PTPRD: variants seen among roughly 807,000 people sequenced by gnomAD.
PTPRD encodes the protein receptor-type tyrosine-protein phosphatase delta.
In PTPRD, 34 loss-of-function variants were observed where a neutral mutation model predicts 214.5. That is an observed-to-expected ratio of 0.16 (90% CI 0.12 to 0.21). The LOEUF is 0.21. Ranked by LOEUF, PTPRD falls within the 10% of genes least tolerant of loss-of-function variation. The pLI, the probability that PTPRD is intolerant of heterozygous loss-of-function variation, is 1.00. For missense variants in PTPRD, 2,545 were observed against 2,398.7 expected (o/e 1.06, Z -1.27); for synonymous variants, 1,128 against 845.7 (o/e 1.33, Z -5.79).
chr9:9,725,285 T>G (rs1398274611), intron 7 of PTPRD, among the ~76,000 whole-genome samples: 1 of 148,812 alleles, frequency 6.7e-6, no homozygotes, highest in Non-Finnish European at 1.5e-5. Context: ...GATCTGACGG[T>G]ATTAAAAATG....
intron 11 of PTPRD, among the ~76,000 whole-genome samples, chr9:8,911,415 T>TTGTGTGTGTG (rs757801073): frequency 2.3e-4 from 29 of 127,626 alleles, no homozygotes; most frequent in African/African-American, 7.3e-4. Context: ...TGTGTGTGTG[T>TTGTGTGTGTG]TGTGTGTGTG....
Position 9,208,809 on chromosome 9 carries a change from C to CT in PTPRD, c.-202-25447dup, listed in dbSNP as rs1185200906. On this transcript the variant is annotated intron_variant, in intron 9 of 45. Coordinates refer to ENST00000381196, the MANE Select transcript of PTPRD (RefSeq NM_002839.4). The stretch of plus-strand genomic sequence containing the variant: ...AAAGAAACCCAGAGACAATATAACT[C>CT]TTTTTTTTTTTTCTTTGAGATGGAG... 8.9e-3 allele frequency among the ~76,000 whole-genome samples: 1,305 copies of CT among 146,888 alleles called. 20 individuals are homozygous for CT. Among genetic ancestry groups the CT allele is most frequent in the African/African-American group, 0.025 (1,023 of 40,214 alleles).
At chr9:10,053,430 G>C (rs1391631120) in intron 3 of PTPRD, among the ~76,000 whole-genome samples, 3 of 152,092 alleles carry the variant, frequency 2.0e-5, no homozygotes, top group Non-Finnish European at 4.4e-5. Flanking sequence ...ATTTGGTCAG[G>C]AGTTTAAATA....
intron 2 of PTPRD, among the ~76,000 whole-genome samples, chr9:10,491,963 G>C (rs1208119391): frequency 6.6e-6 from 1 of 152,122 alleles, no homozygotes; most frequent in Non-Finnish European, 1.5e-5. Context: ...AACATGCAGT[G>C]TTTGGTTTTC....
intron 5 of PTPRD, among the ~76,000 whole-genome samples, chr9:9,807,196 T>G (rs917609890): frequency 6.6e-6 from 1 of 152,172 alleles, no homozygotes; most frequent in Non-Finnish European, 1.5e-5. Flanking sequence ...GAGGCAAGAA[T>G]TGAGTTGCTA....
chr9:9,044,010 G>A (rs916750119), intron 10 of PTPRD, among the ~76,000 whole-genome samples: 1 of 151,992 alleles, frequency 6.6e-6, no homozygotes, highest in Non-Finnish European at 1.5e-5. Flanking sequence ...GACTTTTAAT[G>A]CCAAGTCAGC....
chr9:9,183,914 T>A (rs1210617264), intron 9 of PTPRD, among the ~76,000 whole-genome samples: 1 of 151,868 alleles, frequency 6.6e-6, no homozygotes, highest in Non-Finnish European at 1.5e-5. Context: ...AATTTCATAA[T>A]TAATTTAAAA....
chr9:8,650,296 G>A (rs2096780784), intron 12 of PTPRD, among the ~76,000 whole-genome samples: 2 of 151,984 alleles, frequency 1.3e-5, no homozygotes, highest in South Asian at 2.1e-4. Flanking sequence ...TTGGGAGGCT[G>A]AGGTGGGTGG....
intron 14 of PTPRD, among the ~76,000 whole-genome samples, chr9:8,561,216 G>A (rs538239004): frequency 2.0e-5 from 3 of 151,818 alleles, no homozygotes; most frequent in East Asian, 3.9e-4. Context: ...TGGTGTCTTC[G>A]CTTTAATCTT....
intron 3 of PTPRD, among the ~76,000 whole-genome samples, chr9:10,226,074 C>T (rs2099587861): frequency 6.6e-6 from 1 of 152,018 alleles, no homozygotes; most frequent in African/African-American, 2.4e-5. Flanking sequence ...AAAATTAAGA[C>T]ATAGGATCCC....
chr9:9,393,233 C>T (rs1003204212), intron 9 of PTPRD, among the ~76,000 whole-genome samples: 2 of 152,022 alleles, frequency 1.3e-5, no homozygotes, highest in East Asian at 3.9e-4. Flanking sequence ...TCCAGGTATG[C>T]GTATACTTGT....
chr9:10,582,484 C>T (rs1369311928), intron 2 of PTPRD, among the ~76,000 whole-genome samples: 1 of 152,144 alleles, frequency 6.6e-6, no homozygotes, highest in African/African-American at 2.4e-5. Flanking sequence ...TCTACTTTAT[C>T]CATATTATAA....
chr9:8,940,280 C>CTCTCTCCTTTGTTT (rs2099023955), intron 11 of PTPRD, among the ~76,000 whole-genome samples: 1 of 89,050 alleles, frequency 1.1e-5, no homozygotes, highest in Non-Finnish European at 2.1e-5. Context: ...TCTCTCTCTC[C>CTCTCTCCTTTGTTT]TTTTTTTTTT....
At chr9:9,616,956 T>C (rs1327556480) in intron 7 of PTPRD, among the ~76,000 whole-genome samples, 4 of 152,178 alleles carry the variant, frequency 2.6e-5, no homozygotes, top group African/African-American at 9.7e-5. Context: ...AAAATAAACT[T>C]GTTTTCCCTT....
intron 3 of PTPRD, among the ~76,000 whole-genome samples, chr9:10,225,744 T>G (rs1279210129): frequency 1.3e-5 from 2 of 152,074 alleles, no homozygotes; most frequent in Non-Finnish European, 2.9e-5. Flanking sequence ...GAGCATTACT[T>G]AAAAATTAAA....
intron 14 of PTPRD, among the ~76,000 whole-genome samples, chr9:8,596,279 T>C (rs952157950): frequency 6.6e-6 from 1 of 152,012 alleles, no homozygotes; most frequent in Non-Finnish European, 1.5e-5. Context: ...ATTATATGGA[T>C]ATATGGATTA....
At chr9:8,447,593 G>T (rs1214864621) in intron 34 of PTPRD, among the ~76,000 whole-genome samples, 1 of 152,156 alleles carries the variant, frequency 6.6e-6, no homozygotes, top group Non-Finnish European at 1.5e-5. Flanking sequence ...CTTACCTGCA[G>T]TCACCAGCAC....
chr9:8,507,323 T>C lies in PTPRD; in HGVS notation c.1655A>G (p.Lys552Arg), dbSNP rs760477340. ...TACCTCCTCTCCATGCTCCCCATCT[T>C]TGTAGACCAGTTCATAGTTGGCAAT... ...DTIANYELVYKDGEHGEEQRI... is the reference protein window; with the variant it reads ...DTIANYELVYRDGEHGEEQRI... The change falls in exon 22 of 46, where the codon AAA becomes AGA. Residue 552 changes from lysine (K) to arginine (R), a missense_variant. Transcript: ENST00000381196. The C allele has an allele frequency of 6.2e-7, 1 of 1,613,980 alleles. No individual in the cohort carries two copies. Among genetic ancestry groups the C allele is most frequent in the Non-Finnish European group, 8.5e-7 (1 of 1,179,844 alleles).
intron 6 of PTPRD, among the ~76,000 whole-genome samples, chr9:9,735,263 TG>T (rs1000762699): frequency 6.6e-6 from 1 of 152,144 alleles, no homozygotes; most frequent in Non-Finnish European, 1.5e-5. Flanking sequence ...TGAGGCCTTT[TG>T]CAAATATGCC....
Sources: gnomAD v4.1 joint callset for allele counts (sites outside exome capture counted in the v4.1 genomes callset) on GRCh38, gnomAD v4.1.1 for gene constraint, MANE v1.5 for transcripts, NCBI Gene and HGNC (gene_info 2026-07-23, HGNC 2026-07-21) for gene names.